Variants in NR2C1 observed in about 807,000 individuals in gnomAD.
The protein encoded by NR2C1 is TR2 nuclear hormone receptor.
NR2C1 carries 33 observed loss-of-function variants against 74.8 expected under a neutral mutation model. The ratio of observed to expected loss-of-function variants is 0.44; its 90% CI spans 0.33 to 0.59. The LOEUF (loss-of-function observed/expected upper bound fraction) is 0.59. NR2C1 is among the 20% of genes least tolerant of loss of function. NR2C1 has a pLI of 0.02. For synonymous variants in NR2C1, 225 were observed against 240.6 expected, an observed-to-expected ratio of 0.94 and a Z score of 0.60; for missense variants, 568 against 715.6, an observed-to-expected ratio of 0.79 and a Z score of 2.35.
intron 9 of NR2C1, among the ~76,000 whole-genome samples, chr12:95,046,579 C>T (rs1342460481): frequency 6.6e-6 from 1 of 152,000 alleles, no homozygotes; most frequent in Admixed American, 6.6e-5. Flanking sequence ...GAGTGAGACC[C>T]TATCTCACAA....
In NR2C1 at chr12:95,058,301, A is replaced by C. The variant is rs1182939701; in HGVS notation, c.544+9T>G. 7.5e-6 allele frequency: 12 copies of C among 1,591,388 alleles called. No individual in the cohort carries two copies. The highest frequency in any genetic ancestry group is 1.0e-5 in the Non-Finnish European group (12 of 1,173,912). On this transcript the variant is annotated intron_variant, in intron 5 of 13. Transcript: ENST00000333003. Reference sequence around the variant, plus strand: ...AAAAAGTATTTTCTCCTTAAAAGCTAATACATACAGTCTTGCTTCATTCCA... The same window carrying C: ...AAAAAGTATTTTCTCCTTAAAAGCTCATACATACAGTCTTGCTTCATTCCA...
intron 13 of NR2C1, among the ~76,000 whole-genome samples, chr12:95,024,401 G>A (rs1022989391): frequency 6.6e-6 from 1 of 152,082 alleles, no homozygotes; most frequent in African/African-American, 2.4e-5. Context: ...GCAAGTGCAG[G>A]AGTCAGAATT....
rs79760875 is a variant in NR2C1, at chr12:95,059,986, T to TAAAAAAAAAAAAA, written c.286-15_286-3dup. 1.4e-4 allele frequency: 149 copies of TAAAAAAAAAAAAA among 1,074,496 alleles called. No individual in the cohort carries two copies. The highest frequency in any genetic ancestry group is 6.5e-4 in the South Asian group (34 of 52,308). 66.6% of individuals were successfully genotyped at this position (1,074,496 alleles called of 1,614,324 possible). A position where few individuals can be genotyped will look rare whatever the true frequency, so the allele number is the denominator to read the frequency against. On this transcript the variant is annotated splice_region_variant and splice_polypyrimidine_tract_variant and intron_variant, in intron 3 of 13. Transcript: ENST00000333003. ...GTCTGGAGAATTATCTGTTAGGAGC[T>TAAAAAAAAAAAAA]AAAAAAAAAAAAAAAAAAAAAGAAA...
intron 3 of NR2C1, among the ~76,000 whole-genome samples, chr12:95,061,163 GA>G (rs1368327486): frequency 6.6e-6 from 1 of 152,164 alleles, no homozygotes. Flanking sequence ...CAAAAACAAG[GA>G]AAGTCTGAGA....
chr12:95,028,649 G>A (rs143824375), intron 11 of NR2C1, 125 bp from the exon 12 acceptor site: 2 of 689,282 alleles, frequency 2.9e-6, no homozygotes, highest in African/African-American at 3.7e-5. Context: ...TTTGAGACAG[G>A]GTTTTACTCC....
chr12:95,036,033 A>C (rs1448749381), intron 10 of NR2C1, among the ~76,000 whole-genome samples: 2 of 152,222 alleles, frequency 1.3e-5, no homozygotes, highest in African/African-American at 4.8e-5. Flanking sequence ...TTTAAACCTC[A>C]TTACACAATT....
At position 95,073,583 on chromosome 12, in the gene NR2C1, G is replaced by GGCGCGCTATCCCGCCA. The variant is rs1877086782; in HGVS notation, c.-227_-212dup. ...TTCGTGACCTCTTTCTCGGCTCGGCGGCGCGCTATCCCGCCAGCGCCTGCG... is the reference window on the plus strand; with the variant it reads ...TTCGTGACCTCTTTCTCGGCTCGGCGGCGCGCTATCCCGCCAGCGCGCTATCCCGCCAGCGCCTGCG... On this transcript the variant is annotated 5_prime_UTR_variant, in exon 1 of 14. It introduces an in-frame stop codon into an upstream open reading frame of the 5' UTR. Coordinates refer to ENST00000333003, the MANE Select transcript of NR2C1 (RefSeq NM_003297.4). 6.6e-6 allele frequency: 1 copy of GGCGCGCTATCCCGCCA among 152,272 alleles called. No individual in the cohort carries two copies. Among genetic ancestry groups the GGCGCGCTATCCCGCCA allele is most frequent in the Non-Finnish European group, 1.5e-5 (1 of 68,072 alleles). The allele number at this position is 152,272 out of a possible 1,614,324, so 9.4% of individuals were successfully genotyped here. A position where few individuals can be genotyped will look rare whatever the true frequency, so the allele number is the denominator to read the frequency against.
chr12:95,022,071 CT>C lies in NR2C1; in HGVS notation c.*157del. The C allele has an allele frequency of 1.9e-6, 1 of 523,458 alleles. No homozygotes were observed. The highest frequency in any genetic ancestry group is 3.2e-6 in the Non-Finnish European group (1 of 311,834). 32.4% of individuals were successfully genotyped at this position (523,458 alleles called of 1,614,324 possible). Reference sequence around the variant, plus strand: ...TTAATTTCTGCTGCCTGCCCAGTCACTTCAAAAATTCTTAAGGGAAGCTAAA... The same window carrying C: ...TTAATTTCTGCTGCCTGCCCAGTCACTCAAAAATTCTTAAGGGAAGCTAAA... On this transcript the variant is annotated 3_prime_UTR_variant, in exon 14 of 14. Transcript: ENST00000333003.
chr12:95,073,319 G>T (rs1400242480), intron 1 of NR2C1, 61 bp downstream of exon 1: 4 of 152,170 alleles, frequency 2.6e-5, no homozygotes, highest in African/African-American at 9.7e-5. Flanking sequence ...TTGGGGTGAA[G>T]GGCACCCCCT....
At chr12:95,048,623 T>G (rs112698272) in intron 9 of NR2C1, among the ~76,000 whole-genome samples, 1 of 56,566 alleles carries the variant, frequency 1.8e-5, no homozygotes, top group South Asian at 7.2e-4. Context: ...TGCAGATGAG[T>G]TTTTTTTTTT....
At chr12:95,066,217 C>A (rs564466900) in intron 2 of NR2C1, among the ~76,000 whole-genome samples, 3 of 152,180 alleles carry the variant, frequency 2.0e-5, no homozygotes, top group African/African-American at 4.8e-5. Context: ...TTGGTTATAA[C>A]AAGGCTGGGC....
chr12:95,044,890 A>G (rs1333381135), intron 9 of NR2C1, among the ~76,000 whole-genome samples: 1 of 152,008 alleles, frequency 6.6e-6, no homozygotes, highest in Non-Finnish European at 1.5e-5. Context: ...AAAAAAACAA[A>G]AACAAAAACA....
intron 13 of NR2C1, among the ~76,000 whole-genome samples, chr12:95,023,736 C>G (rs1869025818): frequency 6.6e-6 from 1 of 152,120 alleles, no homozygotes; most frequent in South Asian, 2.1e-4. Context: ...TTGAAAACTA[C>G]TATCCAAGGA....
At chr12:95,031,272 C>G in intron 11 of NR2C1, 77 bp downstream of exon 11, 1 of 1,228,454 alleles carries the variant, frequency 8.1e-7, no homozygotes, top group East Asian at 2.7e-5. Context: ...TATTAGATAT[C>G]TAACTTTAGT....
intron 1 of NR2C1, among the ~76,000 whole-genome samples, 195 bp downstream of exon 1, chr12:95,073,185 T>C (rs560192280): frequency 6.7e-4 from 102 of 152,286 alleles, no homozygotes; most frequent in African/African-American, 2.4e-3. Flanking sequence ...CCCGCGCATT[T>C]GGCGCCGCAG....
intron 12 of NR2C1, among the ~76,000 whole-genome samples, chr12:95,027,591 C>T (rs942858865): frequency 2.0e-4 from 31 of 152,162 alleles, no homozygotes; most frequent in East Asian, 7.7e-4. Flanking sequence ...CAAAAATGAA[C>T]TGGGTGTGGT....
At chr12:95,065,678 G>A (rs550218825) in intron 2 of NR2C1, among the ~76,000 whole-genome samples, 28 of 152,004 alleles carry the variant, frequency 1.8e-4, no homozygotes, top group Admixed American at 1.2e-3. Flanking sequence ...TTGACTGGGC[G>A]CAGGGGCTCA....
At chr12:95,068,530 C>T (rs1340278166) in intron 1 of NR2C1, among the ~76,000 whole-genome samples, 2 of 152,152 alleles carry the variant, frequency 1.3e-5, no homozygotes, top group Non-Finnish European at 2.9e-5. Context: ...CCCGGTGGCT[C>T]ACATCTGTAT....
chr12:95,063,315 G>T (rs1421850148), intron 2 of NR2C1, among the ~76,000 whole-genome samples: 1 of 152,128 alleles, frequency 6.6e-6, no homozygotes, highest in Non-Finnish European at 1.5e-5. Flanking sequence ...CATATAAGTA[G>T]GTCCCAGGGC....
Sources: allele counts gnomAD v4.1 joint callset (sites outside exome capture counted in the v4.1 genomes callset), GRCh38; gene constraint gnomAD v4.1.1; transcripts MANE v1.5; gene names NCBI Gene and HGNC (gene_info 2026-07-23, HGNC 2026-07-21).